The following F13A1 variants were observed in gnomAD, a reference collection of about 807,000 sequenced individuals.
F13A1 encodes FSF, A subunit.
F13A1 carries 47 observed loss-of-function variants against 80.1 expected under a neutral mutation model. That is an observed-to-expected ratio of 0.59 (90% CI 0.46 to 0.75). The LOEUF is 0.75. Ranked by LOEUF, F13A1 falls within the 30% of genes least tolerant of loss-of-function variation. F13A1 has a pLI of 0.00. For missense variants in F13A1, 817 were observed against 930.4 expected (o/e 0.88, Z 1.59); for synonymous variants, 349 against 344.9 (o/e 1.01, Z -0.13).
At chr6:6,279,862 C>T (rs1232993308) in intron 3 of F13A1, among the ~76,000 whole-genome samples, 1 of 152,154 alleles carries the variant, frequency 6.6e-6, no homozygotes, top group Admixed American at 6.5e-5. Flanking sequence ...GAATGTCTTC[C>T]AAACAAAACA....
At chr6:6,160,374 T>A (rs1414401705) in intron 13 of F13A1, among the ~76,000 whole-genome samples, 1 of 151,198 alleles carries the variant, frequency 6.6e-6, no homozygotes, top group Non-Finnish European at 1.5e-5. Flanking sequence ...TCTTGCTCTG[T>A]CACCCAGGCT....
rs1265557322 is a variant in F13A1, at chr6:6,318,541, G to A, written c.124C>T (p.Leu42=). The change falls in exon 2 of 15, where the codon CTG becomes TTG. Residue 42 remains leucine (L), a synonymous_variant. Transcript: ENST00000264870. ...LQGVVPRGVN[L]QEFLNVTSVH... ...AAGGGGGGTATGCTCATACCTTGCA[G>A]GTTGACGCCCCGGGGCACCACGCCC... The A allele has an allele frequency of 4.3e-6, 7 of 1,613,284 alleles. No homozygotes were observed. In the African/African-American group the frequency reaches 6.7e-5, roughly 15 times the overall value.
chr6:6,217,631 TACTA>T (rs1190381139), intron 8 of F13A1, among the ~76,000 whole-genome samples: 1 of 151,974 alleles, frequency 6.6e-6, no homozygotes, highest in Non-Finnish European at 1.5e-5. Context: ...ATACATATGT[TACTA>T]ACCTGCACGT....
intron 12 of F13A1, among the ~76,000 whole-genome samples, chr6:6,168,255 A>C (rs993528021): frequency 6.6e-6 from 1 of 152,206 alleles, no homozygotes; most frequent in African/African-American, 2.4e-5. Context: ...TTGTTTTCTC[A>C]ATGGAAACCA....
In F13A1 at chr6:6,182,157, G is replaced by T; in HGVS notation, c.1306-16C>A. The T allele has an allele frequency of 6.2e-7, 1 of 1,613,584 alleles. No individual in the cohort carries two copies. The highest frequency in any genetic ancestry group is 1.1e-5 in the South Asian group (1 of 91,068). On this transcript the variant is annotated splice_polypyrimidine_tract_variant and intron_variant, in intron 10 of 14. Coordinates refer to ENST00000264870, the MANE Select transcript of F13A1 (RefSeq NM_000129.4). ...CGCTGTTGACCTGGAAACAGGAGAGGAGAGCATTAGCCATCATCACATGTC... is the reference window on the plus strand; with the variant it reads ...CGCTGTTGACCTGGAAACAGGAGAGTAGAGCATTAGCCATCATCACATGTC...
At chr6:6,237,644 A>G (rs1757430537) in intron 6 of F13A1, among the ~76,000 whole-genome samples, 2 of 152,166 alleles carry the variant, frequency 1.3e-5, no homozygotes, top group South Asian at 4.1e-4. Flanking sequence ...TATCACCTTG[A>G]TTTGGATGTC....
chr6:6,241,807 A>C (rs1263804955), intron 6 of F13A1, among the ~76,000 whole-genome samples: 1 of 152,228 alleles, frequency 6.6e-6, no homozygotes, highest in East Asian at 1.9e-4. Flanking sequence ...CTGTCTTTAC[A>C]GTTCATTTGG....
intron 11 of F13A1, among the ~76,000 whole-genome samples, chr6:6,176,029 T>C (rs1760878419): frequency 6.6e-6 from 1 of 152,254 alleles, no homozygotes. Context: ...CTCATGCAGA[T>C]GTGAGGGATG....
chr6:6,234,510 A>G (rs1433437570), intron 6 of F13A1, among the ~76,000 whole-genome samples: 3 of 151,998 alleles, frequency 2.0e-5, no homozygotes, highest in Non-Finnish European at 2.9e-5. Flanking sequence ...AAAACTCTAT[A>G]TAAGTTAAGC....
intron 4 of F13A1, among the ~76,000 whole-genome samples, chr6:6,262,709 CAAA>C (rs750161407): frequency 5.8e-5 from 6 of 103,538 alleles, no homozygotes; most frequent in African/African-American, 1.1e-4. Flanking sequence ...ACTTCACTGA[CAAA>C]AAAAAAAAAA....
intron 3 of F13A1, among the ~76,000 whole-genome samples, chr6:6,298,385 G>A (rs1409726828): frequency 6.7e-6 from 1 of 150,090 alleles, no homozygotes; most frequent in Middle Eastern, 3.2e-3. Context: ...GGGAGTCTAA[G>A]TCTCTTTGTA....
intron 8 of F13A1, among the ~76,000 whole-genome samples, chr6:6,219,319 CCACCCT>C (rs1296728059): frequency 2.0e-5 from 3 of 151,624 alleles, no homozygotes; most frequent in Admixed American, 6.6e-5. Flanking sequence ...TGTTTAGCCT[CCACCCT>C]CACCCTCACC....
rs962611363 is a variant in F13A1, at chr6:6,253,697, G to A, written c.572-2768C>T. 2.0e-4 allele frequency among the ~76,000 whole-genome samples: 30 copies of A among 152,194 alleles called. 2 individuals carry two copies. The highest frequency in any genetic ancestry group is 1.6e-3 in the Admixed American group (25 of 15,280). On this transcript the variant is annotated intron_variant, in intron 4 of 14. Transcript: ENST00000264870. ...TGGTTCTTTTTAATGTAGCATTAGT[G>A]TGATTATAGCTAACTGAAACAAAGC...
At chr6:6,306,548 G>C (rs962067191) in intron 2 of F13A1, among the ~76,000 whole-genome samples, 3 of 152,218 alleles carry the variant, frequency 2.0e-5, no homozygotes, top group African/African-American at 7.2e-5. Context: ...TATGAATGAT[G>C]ACTGAAAGTG....
intron 2 of F13A1, among the ~76,000 whole-genome samples, chr6:6,315,304 G>A (rs1271071609): frequency 6.6e-6 from 1 of 152,158 alleles, no homozygotes; most frequent in Non-Finnish European, 1.5e-5. Flanking sequence ...TGAGGAGATC[G>A]TCTCAGTACC....
intron 10 of F13A1, among the ~76,000 whole-genome samples, chr6:6,183,512 T>C (rs974358716): frequency 5.9e-5 from 9 of 152,290 alleles, no homozygotes; most frequent in South Asian, 2.1e-4. Flanking sequence ...TAAACAAAAA[T>C]AGACGCCTGA....
chr6:6,210,950 C>T (rs1761597509), intron 8 of F13A1, among the ~76,000 whole-genome samples: 1 of 152,086 alleles, frequency 6.6e-6, no homozygotes, highest in Admixed American at 6.5e-5. Flanking sequence ...AGGCTGTTCT[C>T]AAACTCCTGA....
intron 3 of F13A1, among the ~76,000 whole-genome samples, chr6:6,300,665 C>T (rs1758414532): frequency 6.6e-6 from 1 of 152,118 alleles, no homozygotes; most frequent in Admixed American, 6.5e-5. Flanking sequence ...TGAGATGAAC[C>T]CCATACCTCA....
chr6:6,223,685 T>G (rs1757233030), intron 7 of F13A1, among the ~76,000 whole-genome samples: 1 of 148,394 alleles, frequency 6.7e-6, no homozygotes, highest in South Asian at 2.1e-4. Context: ...ACTCATGACT[T>G]TTTTTTTTTA....
Sources: gnomAD v4.1 joint callset for allele counts (sites outside exome capture counted in the v4.1 genomes callset) on GRCh38, gnomAD v4.1.1 for gene constraint, MANE v1.5 for transcripts, NCBI Gene and HGNC (gene_info 2026-07-23, HGNC 2026-07-21) for gene names.